The following HSPH1 variants were observed in gnomAD, a reference collection of about 807,000 sequenced individuals.
The protein encoded by HSPH1 is heat shock protein family H (Hsp110) member 1, also known as heat shock protein 105 kDa.
Under a neutral mutation model 100.0 loss-of-function variants are expected in HSPH1, and 40 were observed. The ratio of observed to expected loss-of-function variants is 0.40; its 90% CI spans 0.31 to 0.52. The LOEUF (loss-of-function observed/expected upper bound fraction) is 0.52, where lower values mean the gene tolerates loss of function less well. HSPH1 is among the 20% of genes least tolerant of loss of function. The pLI, the probability that HSPH1 is intolerant of heterozygous loss-of-function variation, is 0.54. For synonymous variants in HSPH1, 403 were observed against 344.0 expected, an observed-to-expected ratio of 1.17 and a Z score of -1.90; for missense variants, 876 against 1,015.1, an observed-to-expected ratio of 0.86 and a Z score of 1.86.
rs1182572523 is a variant in HSPH1 at position 31,158,539 on chromosome 13, ACT to A, written c.165+265_165+266del. On this transcript the variant is annotated intron_variant, in intron 2 of 17. Coordinates refer to ENST00000320027, the MANE Select transcript of HSPH1 (RefSeq NM_006644.4). ...ACTCTAGCCTGGGTAACAGAGCGAG[ACT>A]CTATCTCAAAAAAAAAAAAAAAAAA... 1.7e-4 allele frequency among the ~76,000 whole-genome samples: 22 copies of A among 126,928 alleles called. No homozygotes were observed. The Admixed American group carries it at 1.9e-3, about 11-fold the overall frequency. The allele number at this position is 126,928 out of a possible 152,430, so 83.3% of individuals were successfully genotyped here. A position where few individuals can be genotyped will look rare whatever the true frequency, so the allele number is the denominator to read the frequency against.
chr13:31,147,924 C>T, intron 10 of HSPH1, 35 bp downstream of exon 10: 3 of 1,534,154 alleles, frequency 2.0e-6, no homozygotes, highest in Non-Finnish European at 1.7e-6. Context: ...AAGTCTTTAA[C>T]TAAAAGAGTA....
chr13:31,136,492 AG>A lies in HSPH1; in HGVS notation c.*825del, dbSNP rs1955886679. 1 of 152,308 alleles carries A rather than the reference AG, an allele frequency of 6.6e-6. No homozygotes were observed. The highest frequency in any genetic ancestry group is 2.1e-4 in the South Asian group (1 of 4,828). 9.4% of individuals were successfully genotyped at this position (152,308 alleles called of 1,614,324 possible). ...AAACATATGCTATTTTTCTGTCAGG[AG>A]AAAAACATTTTCACTTAGAAAAGAG... is the stretch of plus-strand genomic sequence containing the variant. On this transcript the variant is annotated 3_prime_UTR_variant, in exon 18 of 18. Transcript: ENST00000320027.
At chr13:31,151,800 G>T in intron 5 of HSPH1, 58 bp from the exon 6 acceptor site, 3 of 1,471,864 alleles carry the variant, frequency 2.0e-6, no homozygotes, top group Non-Finnish European at 2.8e-6. Context: ...GAATCTCACT[G>T]TTACATAAAA....
chr13:31,161,419 T>A, intron 1 of HSPH1, 57 bp downstream of exon 1: 1 of 1,595,528 alleles, frequency 6.3e-7, no homozygotes, highest in Non-Finnish European at 8.6e-7. Context: ...CGATCTTGGG[T>A]CCCCACACTA....
At chr13:31,153,528 G>A (rs1235700092) in intron 4 of HSPH1, among the ~76,000 whole-genome samples, 1 of 152,110 alleles carries the variant, frequency 6.6e-6, no homozygotes, top group Non-Finnish European at 1.5e-5. Context: ...AACAACCCAA[G>A]GGCTGAGGTT....
chr13:31,140,867 G>A, intron 13 of HSPH1: 1 of 309,744 alleles, frequency 3.2e-6, no homozygotes, highest in Admixed American at 4.9e-5. Flanking sequence ...CAACTGTACT[G>A]TGCTCTGTTA....
intron 12 of HSPH1, 62 bp from the exon 13 acceptor site, chr13:31,141,321 A>C (rs1956081789): frequency 1.4e-6 from 2 of 1,413,204 alleles, no homozygotes; most frequent in African/African-American, 2.9e-5. Context: ...AAACACAAAA[A>C]AAATGTCCTC....
At position 31,145,766 on chromosome 13, in the gene HSPH1, G is replaced by A. The variant is rs757412805; in HGVS notation, c.1381C>T (p.Arg461Cys). Reference protein sequence around the residue: ...GVPYPEAKIGRFVVQNVSAQK... With the variant: ...GVPYPEAKIGCFVVQNVSAQK... ...GCAGAAACATTCTGAACTACAAAGCGGCCTAGAACAACAACAACAAAAATC... is the reference window on the plus strand; with the variant it reads ...GCAGAAACATTCTGAACTACAAAGCAGCCTAGAACAACAACAACAAAAATC... Residue 461 changes from arginine to cysteine, a missense_variant and splice_region_variant, in exon 11 of 18, where the codon CGC becomes TGC. By Grantham distance (180) the Arg-to-Cys change is radical. Coordinates refer to ENST00000320027, the MANE Select transcript of HSPH1 (RefSeq NM_006644.4). The A allele has an allele frequency of 1.9e-6, 3 of 1,612,658 alleles. No individual in the cohort carries two copies. Among genetic ancestry groups the A allele is most frequent in the South Asian group, 1.1e-5 (1 of 91,056 alleles).
chr13:31,154,954 A>G (rs1298062844), intron 3 of HSPH1, among the ~76,000 whole-genome samples, 199 bp from the exon 4 acceptor site: 5 of 152,170 alleles, frequency 3.3e-5, no homozygotes, highest in African/African-American at 2.4e-5. Flanking sequence ...AGAGAAAAAA[A>G]GAAAAAGGAA....
In HSPH1 at chr13:31,138,869, T is replaced by C. The variant is rs1422282980; in HGVS notation, c.2120A>G (p.Gln707Arg). The change falls in exon 16 of 18, where the codon CAG becomes CGG. Residue 707 changes from glutamine to arginine, a missense_variant. Physicochemically the swap from Gln to Arg is conservative, Grantham distance 43 (BLOSUM62 1). Coordinates refer to ENST00000320027, the MANE Select transcript of HSPH1 (RefSeq NM_006644.4). ...KIGTPVKVRFQEAEERPKMFE... is the reference protein window; with the variant it reads ...KIGTPVKVRFREAEERPKMFE... ...CATTTTTGGCCGTTCTTCAGCTTCCTGAAACCGAACTTTAACTGGAGTGCC... is the reference window on the plus strand; with the variant it reads ...CATTTTTGGCCGTTCTTCAGCTTCCCGAAACCGAACTTTAACTGGAGTGCC... 1 of 1,609,278 alleles carries C rather than the reference T, an allele frequency of 6.2e-7. No individual in the cohort carries two copies. Among genetic ancestry groups the C allele is most frequent in the Non-Finnish European group, 8.5e-7 (1 of 1,177,594 alleles).
At chr13:31,147,118 A>C (rs9570301) in intron 10 of HSPH1, among the ~76,000 whole-genome samples, 28,785 of 152,164 alleles carry the variant, frequency 0.19, 3,163 homozygotes, top group East Asian at 0.37. Context: ...CAAACATGAA[A>C]AATTAGATGC....
At chr13:31,143,299 GA>G (rs1212087110) in intron 12 of HSPH1, among the ~76,000 whole-genome samples, 1 of 151,974 alleles carries the variant, frequency 6.6e-6, no homozygotes, top group African/African-American at 2.4e-5. Flanking sequence ...GTGGAAGCAG[GA>G]CAAAAAAATA....
At position 31,136,976 on chromosome 13, in the gene HSPH1, G is replaced by C. The variant is rs1955900863; in HGVS notation, c.*342C>G. 2.7e-6 allele frequency: 1 copy of C among 366,814 alleles called. No homozygotes were observed. Among genetic ancestry groups the C allele is most frequent in the Non-Finnish European group, 5.4e-6 (1 of 186,508 alleles). 22.7% of individuals were successfully genotyped at this position (366,814 alleles called of 1,614,324 possible). A position where few individuals can be genotyped will look rare whatever the true frequency, so the allele number is the denominator to read the frequency against. On this transcript the variant is annotated 3_prime_UTR_variant, in exon 18 of 18. Transcript: ENST00000320027. ...GAAAACTACCTTGGCAGGAACAAATGCTTAAAGATTTTAATCACAGCCCTC... is the reference window on the plus strand; with the variant it reads ...GAAAACTACCTTGGCAGGAACAAATCCTTAAAGATTTTAATCACAGCCCTC...
intron 7 of HSPH1, 70 bp from the exon 8 acceptor site, chr13:31,150,252 G>T: frequency 9.1e-7 from 1 of 1,102,708 alleles, no homozygotes; most frequent in Non-Finnish European, 1.3e-6. Flanking sequence ...ACAACCCAAT[G>T]AATTTCATTA....
intron 11 of HSPH1, 75 bp from the exon 12 acceptor site, chr13:31,143,998 C>A: frequency 1.6e-6 from 2 of 1,240,878 alleles, no homozygotes; most frequent in Non-Finnish European, 1.1e-6. Flanking sequence ...TAAAGGGCAC[C>A]AAAGAAAGTA....
chr13:31,145,176 T>G (rs1307295804), intron 11 of HSPH1, among the ~76,000 whole-genome samples: 1 of 152,154 alleles, frequency 6.6e-6, no homozygotes, highest in Non-Finnish European at 1.5e-5. Flanking sequence ...GCCATACAAT[T>G]TAAAAAACTT....
chr13:31,150,551 A>G (rs1229899659), intron 7 of HSPH1, among the ~76,000 whole-genome samples: 1 of 152,164 alleles, frequency 6.6e-6, no homozygotes, highest in Non-Finnish European at 1.5e-5. Context: ...AGCCTCCTGA[A>G]AAGTTGTGAC....
intron 7 of HSPH1, among the ~76,000 whole-genome samples, 170 bp downstream of exon 7, chr13:31,150,777 A>G (rs569211826): frequency 7.6e-4 from 116 of 152,312 alleles, no homozygotes; most frequent in African/African-American, 2.6e-3. Flanking sequence ...CCCTCTTCAC[A>G]TAAGTGCCCC....
intron 8 of HSPH1, 45 bp downstream of exon 8, chr13:31,149,909 T>C (rs1956419865): frequency 6.8e-7 from 1 of 1,462,852 alleles, no homozygotes; most frequent in Non-Finnish European, 9.6e-7. Flanking sequence ...CAGTGGAAAC[T>C]GTTTAAAGAC....
Sources: allele counts gnomAD v4.1 joint callset (sites outside exome capture counted in the v4.1 genomes callset), GRCh38; gene constraint gnomAD v4.1.1; transcripts MANE v1.5; gene names NCBI Gene and HGNC (gene_info 2026-07-23, HGNC 2026-07-21).